The following SLX4IP variants were observed in gnomAD, a reference collection of about 807,000 sequenced individuals.
The protein encoded by SLX4IP is protein SLX4IP.
A neutral mutation model predicts 32.9 loss-of-function variants in SLX4IP; 34 were observed. That is an observed-to-expected ratio of 1.03 (90% CI 0.79 to 1.38). The LOEUF is 1.38. Ranked by LOEUF, SLX4IP falls within the 40% of genes most tolerant of loss-of-function variation. The pLI is 0.00. For synonymous variants in SLX4IP, 172 were observed against 171.7 expected (o/e 1.00, Z -0.01); for missense variants, 444 against 479.0 (o/e 0.93, Z 0.68).
At chr20:10,494,324 A>C (rs931242991) in intron 2 of SLX4IP, among the ~76,000 whole-genome samples, 11 of 150,880 alleles carry the variant, frequency 7.3e-5, no homozygotes, top group African/African-American at 2.7e-4. Flanking sequence ...GATGGAAATA[A>C]AGCTTTTTGA....
intron 4 of SLX4IP, among the ~76,000 whole-genome samples, chr20:10,578,423 C>T (rs186905147): frequency 1.8e-3 from 275 of 152,274 alleles, no homozygotes; most frequent in African/African-American, 6.3e-3. Context: ...TACTTTATTT[C>T]ATTTTATTAC....
intron 2 of SLX4IP, among the ~76,000 whole-genome samples, chr20:10,497,036 ATG>A (rs2065673832): frequency 6.6e-6 from 1 of 152,136 alleles, no homozygotes; most frequent in Non-Finnish European, 1.5e-5. Context: ...GTATGTATCT[ATG>A]TGTGTGTGTT....
At chr20:10,586,901 G>T (rs1449869773) in intron 4 of SLX4IP, among the ~76,000 whole-genome samples, 1 of 151,990 alleles carries the variant, frequency 6.6e-6, no homozygotes, top group Non-Finnish European at 1.5e-5. Flanking sequence ...TAAACCACTG[G>T]TTAAAAAAGA....
chr20:10,532,907 C>T (rs2066002404), intron 2 of SLX4IP, among the ~76,000 whole-genome samples: 1 of 151,942 alleles, frequency 6.6e-6, no homozygotes. Flanking sequence ...TCCCAAGTAA[C>T]TGAGATTACA....
intron 2 of SLX4IP, among the ~76,000 whole-genome samples, chr20:10,471,576 T>C (rs906925237): frequency 6.6e-6 from 1 of 152,132 alleles, no homozygotes; most frequent in Non-Finnish European, 1.5e-5. Context: ...CAGTGGCAGG[T>C]GGTCAGGATT....
intron 4 of SLX4IP, among the ~76,000 whole-genome samples, chr20:10,587,973 CA>C (rs1414787734): frequency 6.6e-6 from 1 of 151,602 alleles, no homozygotes; most frequent in African/African-American, 2.4e-5. Context: ...AGACAGGTAA[CA>C]AAAGCAACTA....
At chr20:10,475,497 T>A (rs2065468541) in intron 2 of SLX4IP, among the ~76,000 whole-genome samples, 1 of 152,232 alleles carries the variant, frequency 6.6e-6, no homozygotes, top group African/African-American at 2.4e-5. Context: ...ATTGAGCTGG[T>A]GAGGGCCTGG....
intron 2 of SLX4IP, among the ~76,000 whole-genome samples, chr20:10,468,743 A>G (rs933238212): frequency 6.6e-6 from 1 of 151,848 alleles, no homozygotes; most frequent in Non-Finnish European, 1.5e-5. Flanking sequence ...CTCTCTTGCT[A>G]TGTGTTTTTT....
chr20:10,613,211 A>G (rs1396591842), intron 6 of SLX4IP: 2 of 557,122 alleles, frequency 3.6e-6, no homozygotes, highest in Non-Finnish European at 6.4e-6. Context: ...CCCAACTGTC[A>G]CCACCAAGTT....
chr20:10,516,965 T>G (rs1191367050), intron 2 of SLX4IP, among the ~76,000 whole-genome samples: 1 of 152,234 alleles, frequency 6.6e-6, no homozygotes, highest in Non-Finnish European at 1.5e-5. Context: ...TTAGTAGATT[T>G]ATTTTGAGAT....
intron 1 of SLX4IP, among the ~76,000 whole-genome samples, chr20:10,439,502 G>A (rs2065143263): frequency 6.6e-6 from 1 of 152,158 alleles, no homozygotes; most frequent in Non-Finnish European, 1.5e-5. Context: ...GAGCCACGGG[G>A]GCTGGCCTAA....
At chr20:10,562,229 C>T (rs1212235865) in intron 4 of SLX4IP, among the ~76,000 whole-genome samples, 1 of 152,208 alleles carries the variant, frequency 6.6e-6, no homozygotes, top group Admixed American at 6.5e-5. Flanking sequence ...CTTGGTGTAC[C>T]GGAAATACTG....
chr20:10,613,806 T>C, intron 6 of SLX4IP: 2 of 1,612,984 alleles, frequency 1.2e-6, no homozygotes, highest in South Asian at 2.2e-5. Context: ...CATGTCACCC[T>C]TGAAGTCCAG....
intron 2 of SLX4IP, among the ~76,000 whole-genome samples, chr20:10,475,473 G>A (rs937719807): frequency 2.0e-5 from 3 of 152,174 alleles, no homozygotes; most frequent in African/African-American, 7.2e-5. Flanking sequence ...TCAGCATACT[G>A]GCATCAGTGT....
At chr20:10,591,290 G>A (rs1383642298) in intron 4 of SLX4IP, among the ~76,000 whole-genome samples, 1 of 152,196 alleles carries the variant, frequency 6.6e-6, no homozygotes, top group African/African-American at 2.4e-5. Context: ...CTGACAAACA[G>A]GAAATGAACT....
At chr20:10,537,835 A>G (rs147100265) in intron 2 of SLX4IP, among the ~76,000 whole-genome samples, 88 of 152,310 alleles carry the variant, frequency 5.8e-4, no homozygotes, top group Admixed American at 1.0e-3. Context: ...ATTTTGACAA[A>G]AGTAATGAGA....
chr20:10,599,686 C>T lies in SLX4IP; in HGVS notation c.316+934C>T, dbSNP rs531179453. Among the ~76,000 whole-genome samples the T allele has an allele frequency of 6.6e-5, 10 of 152,262 alleles. No individual in the cohort carries two copies. The South Asian group carries it at 2.1e-3, about 32-fold the overall frequency. On this transcript the variant is annotated intron_variant, in intron 5 of 7. Coordinates refer to ENST00000334534, the MANE Select transcript of SLX4IP (RefSeq NM_001009608.3). ...TGCTGGGATTACAGGCATGAGCCAG[C>T]ATGCCCAGCCTTAGATATACTGCTT...
intron 4 of SLX4IP, among the ~76,000 whole-genome samples, chr20:10,567,409 T>A (rs1286853598): frequency 6.6e-6 from 1 of 152,142 alleles, no homozygotes; most frequent in Non-Finnish European, 1.5e-5. Flanking sequence ...TTGCCCTTCC[T>A]CCTTCTGCCG....
intron 3 of SLX4IP, among the ~76,000 whole-genome samples, chr20:10,558,201 G>A (rs1315966331): frequency 6.6e-6 from 1 of 152,016 alleles, no homozygotes; most frequent in Non-Finnish European, 1.5e-5. Context: ...TTAGCCAGAT[G>A]TGGTGGCTTG....
Sources: allele counts gnomAD v4.1 joint callset (sites outside exome capture counted in the v4.1 genomes callset), GRCh38; gene constraint gnomAD v4.1.1; transcripts MANE v1.5; gene names NCBI Gene and HGNC (gene_info 2026-07-23, HGNC 2026-07-21).